TASP1: variants seen among roughly 807,000 people sequenced by gnomAD.
The protein encoded by TASP1 is taspase 1, also known as threonine aspartase 1.
TASP1 carries 16 observed loss-of-function variants against 56.6 expected under a neutral mutation model. The ratio of observed to expected loss-of-function variants is 0.28; its 90% CI spans 0.19 to 0.43. The LOEUF (loss-of-function observed/expected upper bound fraction) is 0.43, where lower values mean the gene tolerates loss of function less well. Ranked by LOEUF, TASP1 falls within the 20% of genes least tolerant of loss-of-function variation. The pLI, the probability that TASP1 is intolerant of heterozygous loss-of-function variation, is 1.00. For missense variants in TASP1, 393 were observed against 511.6 expected (o/e 0.77, Z 2.24); for synonymous variants, 179 against 184.2 (o/e 0.97, Z 0.23).
chr20:13,457,992 G>C (rs1040161923), intron 11 of TASP1, among the ~76,000 whole-genome samples: 5 of 152,122 alleles, frequency 3.3e-5, no homozygotes, highest in Non-Finnish European at 7.4e-5. Context: ...TTTCAAGAAA[G>C]ATGTTTTCAT....
the TASP1 span, among the ~76,000 whole-genome samples, chr20:13,158,809 C>A: frequency 1.3e-5 from 2 of 152,206 alleles, no homozygotes; most frequent in Admixed American, 6.5e-5. Context: ...CTGAAACAAC[C>A]AAAAGGCAGA....
At chr20:13,324,105 T>C in the TASP1 span, among the ~76,000 whole-genome samples, 1 of 152,212 alleles carries the variant, frequency 6.6e-6, no homozygotes, top group Non-Finnish European at 1.5e-5. Context: ...AAAAACATAC[T>C]GTAACTTTCA....
intron 12 of TASP1, among the ~76,000 whole-genome samples, chr20:13,428,882 A>T (rs1381370912): frequency 6.6e-6 from 1 of 152,290 alleles, no homozygotes; most frequent in East Asian, 1.9e-4. Context: ...GTTTCTGCTA[A>T]ATCATCAATA....
At chr20:13,634,500 C>A (rs1047977325) in intron 1 of TASP1, among the ~76,000 whole-genome samples, 1 of 152,030 alleles carries the variant, frequency 6.6e-6, no homozygotes, top group Non-Finnish European at 1.5e-5. Context: ...GAGGTCAAGG[C>A]GGGTGGATCA....
At chr20:13,300,726 G>C in the TASP1 span, 2 of 152,206 alleles carry the variant, frequency 1.3e-5, no homozygotes, top group Non-Finnish European at 2.9e-5. Flanking sequence ...GCAGGGGAAA[G>C]AAAATTTCAA....
chr20:13,510,572 GATT>G (rs1275270457), intron 10 of TASP1, among the ~76,000 whole-genome samples: 1 of 152,056 alleles, frequency 6.6e-6, no homozygotes, highest in African/African-American at 2.4e-5. Context: ...AAAATTACAT[GATT>G]TTTTTAACTC....
chr20:13,618,274 G>T (rs1600179953), intron 4 of TASP1, among the ~76,000 whole-genome samples: 1 of 152,064 alleles, frequency 6.6e-6, no homozygotes, highest in Non-Finnish European at 1.5e-5. Context: ...TTAGCCAGGT[G>T]TGGTGGCGCA....
At chr20:13,190,195 TG>T in the TASP1 span, among the ~76,000 whole-genome samples, 1 of 152,152 alleles carries the variant, frequency 6.6e-6, no homozygotes, top group Admixed American at 6.5e-5. Flanking sequence ...TTGGGTCCTA[TG>T]GTTACTATTT....
At chr20:13,110,046 A>C in the TASP1 span, 23 of 1,383,266 alleles carry the variant, frequency 1.7e-5, no homozygotes, top group African/African-American at 2.8e-4. Flanking sequence ...CATCTGGAAA[A>C]AGAAAGTGGA....
chr20:13,147,809 T>C, the TASP1 span, among the ~76,000 whole-genome samples: 311 of 152,318 alleles, frequency 2.0e-3, 1 homozygote, highest in Middle Eastern at 3.4e-3. Flanking sequence ...TGCTAAATAA[T>C]TGAAGGAGGG....
chr20:13,139,955 T>C, the TASP1 span, among the ~76,000 whole-genome samples: 3 of 152,186 alleles, frequency 2.0e-5, no homozygotes, highest in Non-Finnish European at 4.4e-5. Flanking sequence ...TCTAGTTTCT[T>C]TTTCACAGAA....
chr20:13,343,407 T>C, the TASP1 span, among the ~76,000 whole-genome samples: 50,129 of 152,200 alleles, frequency 0.33, 9,525 homozygotes, highest in African/African-American at 0.52. Flanking sequence ...TGAGTTCAGT[T>C]CTCACCCATG....
chr20:13,169,069 T>TA, the TASP1 span: 1 of 152,208 alleles, frequency 6.6e-6, no homozygotes, highest in African/African-American at 2.4e-5. Context: ...TGTAAAATGT[T>TA]AGTTTTAAAA....
At chr20:13,217,378 T>C in the TASP1 span, among the ~76,000 whole-genome samples, 2 of 152,208 alleles carry the variant, frequency 1.3e-5, no homozygotes, top group African/African-American at 2.4e-5. Context: ...AAGGATTACA[T>C]TGAAACTACT....
chr20:13,493,975 A>G (rs764789244), intron 10 of TASP1, among the ~76,000 whole-genome samples: 15 of 152,312 alleles, frequency 9.8e-5, no homozygotes, highest in Non-Finnish European at 1.8e-4. Context: ...TCACCAGTAA[A>G]AGTGGTATTC....
chr20:13,559,263 G>C (rs180915712), intron 7 of TASP1, 149 bp from the exon 8 acceptor site: 1 of 428,238 alleles, frequency 2.3e-6, no homozygotes, highest in South Asian at 7.0e-5. Flanking sequence ...TGTATACAGG[G>C]ATAGTAGGAG....
chr20:13,455,313 A>C (rs894553943), intron 11 of TASP1, among the ~76,000 whole-genome samples: 8 of 152,170 alleles, frequency 5.3e-5, no homozygotes, highest in African/African-American at 1.7e-4. Context: ...AAATTCATAG[A>C]AACTGTGCAT....
intron 4 of TASP1, chr20:13,614,619 A>C: frequency 3.7e-6 from 1 of 271,754 alleles, no homozygotes; most frequent in Non-Finnish European, 7.4e-6. Flanking sequence ...TAATCTGCCT[A>C]ATTTACAAGG....
the TASP1 span, among the ~76,000 whole-genome samples, chr20:13,305,030 T>C: frequency 6.6e-6 from 1 of 152,130 alleles, no homozygotes; most frequent in African/African-American, 2.4e-5. Flanking sequence ...TTATTGTTAA[T>C]ATTTGATATT....
Sources: gnomAD v4.1 joint callset for allele counts (sites outside exome capture counted in the v4.1 genomes callset) on GRCh38, gnomAD v4.1.1 for gene constraint, MANE v1.5 for transcripts, NCBI Gene and HGNC (gene_info 2026-07-23, HGNC 2026-07-21) for gene names.